Variants in EPM2A observed in about 807,000 individuals in gnomAD.
The protein encoded by EPM2A is EPM2A glucan phosphatase, laforin, also known as laforin.
EPM2A carries 21 observed loss-of-function variants against 26.5 expected under a neutral mutation model. The ratio of observed to expected loss-of-function variants is 0.79; its 90% CI spans 0.56 to 1.14. EPM2A has a LOEUF of 1.14. EPM2A is among the 50% of genes most tolerant of loss of function. The pLI, the probability that EPM2A is intolerant of heterozygous loss-of-function variation, is 0.00. For synonymous variants in EPM2A, 217 were observed against 177.6 expected (o/e 1.22, Z -1.76); for missense variants, 458 against 440.8 (o/e 1.04, Z -0.35).
At chr6:145,411,823 A>G (rs924058013) in intron 4 of EPM2A, among the ~76,000 whole-genome samples, 1 of 152,202 alleles carries the variant, frequency 6.6e-6, no homozygotes, top group Non-Finnish European at 1.5e-5. Flanking sequence ...ATTCATGTCT[A>G]TGTGAAATCA....
At position 145,688,679 on chromosome 6, in the gene EPM2A, A is replaced by T. The variant is rs1367922316; in HGVS notation, c.302-2383T>A. ...CATAGATGAGTCACAAAGAAAAACAATATTAATAAGGAAAAAAGTTCTAGA... is the reference window on the plus strand; with the variant it reads ...CATAGATGAGTCACAAAGAAAAACATTATTAATAAGGAAAAAAGTTCTAGA... On this transcript the variant is annotated intron_variant, in intron 1 of 3. Coordinates refer to ENST00000367519, the MANE Select transcript of EPM2A (RefSeq NM_005670.4). Among the ~76,000 whole-genome samples the T allele has an allele frequency of 2.0e-5, 3 of 152,222 alleles. No individual in the cohort carries two copies. The East Asian group carries it at 5.8e-4, about 29-fold the overall frequency.
At chr6:145,714,622 G>A (rs1018799662) in intron 1 of EPM2A, among the ~76,000 whole-genome samples, 3 of 152,194 alleles carry the variant, frequency 2.0e-5, no homozygotes. Flanking sequence ...AAAGAAAGAG[G>A]TTTAATTGGA....
intron 2 of EPM2A, among the ~76,000 whole-genome samples, chr6:145,544,980 A>G (rs1780565460): frequency 6.6e-6 from 1 of 152,166 alleles, no homozygotes; most frequent in African/African-American, 2.4e-5. Flanking sequence ...CATTGCTAGG[A>G]TCTTTGGTTA....
At chr6:145,674,880 A>G (rs899032834) in intron 2 of EPM2A, among the ~76,000 whole-genome samples, 26 of 152,174 alleles carry the variant, frequency 1.7e-4, no homozygotes, top group African/African-American at 5.8e-4. Flanking sequence ...TATCCAGGAG[A>G]ATTTCTCCAA....
intron 1 of EPM2A, among the ~76,000 whole-genome samples, chr6:145,706,351 A>G (rs964095190): frequency 1.3e-5 from 2 of 152,262 alleles, no homozygotes; most frequent in African/African-American, 4.8e-5. Context: ...GTAAACCTGC[A>G]AACAGTTGAG....
chr6:145,723,431 C>A (rs1383915196), intron 1 of EPM2A, among the ~76,000 whole-genome samples: 1 of 152,016 alleles, frequency 6.6e-6, no homozygotes, highest in Non-Finnish European at 1.5e-5. Flanking sequence ...TATGCATACA[C>A]ACAGAACACA....
intron 4 of EPM2A, among the ~76,000 whole-genome samples, chr6:145,469,649 TC>T (rs1779447663): frequency 6.6e-6 from 1 of 152,048 alleles, no homozygotes; most frequent in South Asian, 2.1e-4. Context: ...GGTCGTACAA[TC>T]CAGGAATCCC....
At chr6:145,683,347 A>G (rs1225245261) in intron 2 of EPM2A, among the ~76,000 whole-genome samples, 1 of 148,472 alleles carries the variant, frequency 6.7e-6, no homozygotes, top group African/African-American at 2.5e-5. Flanking sequence ...CTCCAGGTAT[A>G]CATACACATA....
At chr6:145,689,621 A>G (rs1781147531) in intron 1 of EPM2A, among the ~76,000 whole-genome samples, 1 of 152,254 alleles carries the variant, frequency 6.6e-6, no homozygotes, top group South Asian at 2.1e-4. Flanking sequence ...TAGCCAAATG[A>G]AAAGACAAGC....
At position 145,572,857 on chromosome 6, in the gene EPM2A, C is replaced by G. The variant is rs118046528; in HGVS notation, c.340+62388G>C. On this transcript the variant is annotated intron_variant, in intron 2 of 3. Coordinates refer to the EPM2A transcript ENST00000450221. ...TCAAAACTGGAAACCTTTCAGGTCA[C>G]TCAATAAATGGGCTGGAGTAGCACA... 4.6e-3 allele frequency among the ~76,000 whole-genome samples: 706 copies of G among 152,324 alleles called. 25 individuals are homozygous for G. The East Asian group carries it at 0.084, about 18-fold the overall frequency.
At chr6:145,560,254 T>G (rs1780786491) in intron 2 of EPM2A, among the ~76,000 whole-genome samples, 1 of 152,164 alleles carries the variant, frequency 6.6e-6, no homozygotes, top group Admixed American at 6.5e-5. Context: ...ATCTTTTCGA[T>G]GCAATCCACA....
chr6:145,720,258 G>T (rs539975751), intron 1 of EPM2A, among the ~76,000 whole-genome samples: 1 of 151,944 alleles, frequency 6.6e-6, no homozygotes, highest in South Asian at 2.1e-4. Flanking sequence ...TTCTTTTATG[G>T]GATACTTCTT....
intron 4 of EPM2A, among the ~76,000 whole-genome samples, chr6:145,423,371 AGG>A (rs1778813464): frequency 6.6e-6 from 1 of 152,132 alleles, no homozygotes; most frequent in Admixed American, 6.5e-5. Context: ...TTTTGACAAG[AGG>A]GAAAGGGCTT....
intron 2 of EPM2A, among the ~76,000 whole-genome samples, chr6:145,596,179 TA>T (rs1781341545): frequency 6.6e-6 from 1 of 152,242 alleles, no homozygotes; most frequent in African/African-American, 2.4e-5. Flanking sequence ...GATTGACAAC[TA>T]ATTTTTACAC....
rs866925866 is a variant in EPM2A at position 145,425,642 on chromosome 6, A to G, written c.556-41545T>C. 7.8e-3 allele frequency among the ~76,000 whole-genome samples: 1,191 copies of G among 152,160 alleles called. 13 individuals are homozygous for G. The highest frequency in any genetic ancestry group is 0.027 in the African/African-American group (1,112 of 41,576). On this transcript the variant is annotated intron_variant, in intron 4 of 4. Coordinates refer to the EPM2A transcript ENST00000638717. The stretch of plus-strand genomic sequence containing the variant: ...ATATTTGAGAATGGCAAAAAAAAAA[A>G]AAAAAAGAAAAACTATATAAATCAA...
At chr6:145,546,675 T>A (rs1235028768) in intron 2 of EPM2A, among the ~76,000 whole-genome samples, 5 of 152,186 alleles carry the variant, frequency 3.3e-5, no homozygotes, top group Non-Finnish European at 5.9e-5. Context: ...TGTGTTATTT[T>A]CTTATCTCCA....
At chr6:145,405,234 C>A (rs1778550507) in intron 4 of EPM2A, among the ~76,000 whole-genome samples, 1 of 152,132 alleles carries the variant, frequency 6.6e-6, no homozygotes, top group Admixed American at 6.6e-5. Context: ...TATACCTCTT[C>A]CAGAAATGCA....
chr6:145,490,745 C>A, intron 4 of EPM2A: 1 of 562,534 alleles, frequency 1.8e-6, no homozygotes, highest in Non-Finnish European at 3.5e-6. Context: ...AAGTCCTTCA[C>A]ATGTGAAGGT....
chr6:145,548,466 C>T (rs1288691280), intron 2 of EPM2A, among the ~76,000 whole-genome samples: 1 of 152,096 alleles, frequency 6.6e-6, no homozygotes, highest in Non-Finnish European at 1.5e-5. Context: ...ATGGCAAACT[C>T]GGGCATGACA....
Sources: allele counts gnomAD v4.1 joint callset (sites outside exome capture counted in the v4.1 genomes callset), GRCh38; gene constraint gnomAD v4.1.1; transcripts MANE v1.5; gene names NCBI Gene and HGNC (gene_info 2026-07-23, HGNC 2026-07-21).